RAMP1: variants seen among roughly 807,000 people sequenced by gnomAD.
The protein encoded by RAMP1 is receptor activity modifying protein 1, also known as receptor activity-modifying protein 1.
RAMP1 carries 7 observed loss-of-function variants against 8.2 expected under a neutral mutation model. That is an observed-to-expected ratio of 0.85 (90% CI 0.49 to 1.60). The LOEUF is 1.60. Ranked by LOEUF, RAMP1 falls within the 40% of genes most tolerant of loss-of-function variation. The pLI is 0.00. For missense variants in RAMP1, 192 were observed against 202.4 expected (o/e 0.95, Z 0.31); for synonymous variants, 92 against 84.7 (o/e 1.09, Z -0.47).
In RAMP1 at chr2:237,895,126, C is replaced by T. The variant is rs188900869; in HGVS notation, c.192-16402C>T. On this transcript the variant is annotated intron_variant, in intron 2 of 2. Transcript: ENST00000254661. ...CCCAGCACCATGGCCTCTGGAGCCC[C>T]TCACCCTCCCTTGAGGTCAGCCCTA... 1.8e-4 allele frequency among the ~76,000 whole-genome samples: 27 copies of T among 152,276 alleles called. 1 individual carries two copies. The highest frequency in any genetic ancestry group is 6.5e-4 in the Admixed American group (10 of 15,300).
chr2:237,874,758 G>A, intron 1 of RAMP1: 1 of 932,238 alleles, frequency 1.1e-6, no homozygotes, highest in African/African-American at 1.8e-5. Context: ...GTGCAAAGCT[G>A]CTGGGTGCCA....
intron 2 of RAMP1, among the ~76,000 whole-genome samples, chr2:237,907,654 T>G (rs2062667112): frequency 2.6e-5 from 4 of 152,220 alleles, no homozygotes; most frequent in Admixed American, 2.0e-4. Flanking sequence ...CAACTGTCTT[T>G]GACTTTGAGT....
intron 2 of RAMP1, among the ~76,000 whole-genome samples, chr2:237,897,078 C>G (rs956751034): frequency 6.6e-6 from 1 of 152,238 alleles, no homozygotes; most frequent in African/African-American, 2.4e-5. Context: ...CTGCAGCTCA[C>G]CGGATGCTCC....
intron 2 of RAMP1, among the ~76,000 whole-genome samples, chr2:237,882,777 C>T (rs745353829): frequency 5.3e-5 from 8 of 151,014 alleles, no homozygotes; most frequent in Non-Finnish European, 7.4e-5. Context: ...GGAGAGAACA[C>T]GAAGGCACAA....
rs2062481798 is a variant in RAMP1, at chr2:237,890,968, C to T, written c.191+13606C>T. Among the ~76,000 whole-genome samples, 3 of 152,078 alleles carry T rather than the reference C, an allele frequency of 2.0e-5. No homozygotes were observed. In the South Asian group the frequency reaches 6.2e-4, roughly 32 times the overall value. On this transcript the variant is annotated intron_variant, in intron 2 of 2. Coordinates refer to ENST00000254661, the MANE Select transcript of RAMP1 (RefSeq NM_005855.4). Reference sequence around the variant, plus strand: ...TTGCTTTAACTTTTACCACTCACTTCCCCCCTTTTCCCTTTCTTAAAATTG... The same window carrying T: ...TTGCTTTAACTTTTACCACTCACTTTCCCCCTTTTCCCTTTCTTAAAATTG...
At chr2:237,901,767 T>G (rs771504721) in intron 2 of RAMP1, among the ~76,000 whole-genome samples, 1 of 152,126 alleles carries the variant, frequency 6.6e-6, no homozygotes, top group Non-Finnish European at 1.5e-5. Flanking sequence ...AAGCCCAGCA[T>G]GCAGAGTGGA....
rs1235233096 is a variant in RAMP1 at position 237,865,642 on chromosome 2, T to C, written c.52+5915T>C. Among the ~76,000 whole-genome samples the C allele has an allele frequency of 6.6e-6, 1 of 152,070 alleles. No homozygotes were observed. The highest frequency in any genetic ancestry group is 1.5e-5 in the Non-Finnish European group (1 of 67,996). ...GTACGTAGACAGGAGTCTATGCAAA[T>C]CAAGGGTTCAGAAAGAGGTATGGCC... On this transcript the variant is annotated intron_variant, in intron 1 of 2. Coordinates refer to ENST00000254661, the MANE Select transcript of RAMP1 (RefSeq NM_005855.4). This position sits in a 1 kb window ranked among gnomAD's most constrained non-coding sequence, Gnocchi z 4.2.
intron 1 of RAMP1, among the ~76,000 whole-genome samples, chr2:237,861,162 C>T (rs1045984560): frequency 1.3e-5 from 2 of 152,172 alleles, no homozygotes; most frequent in African/African-American, 4.8e-5. Context: ...CCCTCTAAAG[C>T]TTGTGTAAAT....
At chr2:237,888,848 T>C (rs1456243527) in intron 2 of RAMP1, among the ~76,000 whole-genome samples, 1 of 152,170 alleles carries the variant, frequency 6.6e-6, no homozygotes, top group Non-Finnish European at 1.5e-5. Flanking sequence ...CTTGGCTCAC[T>C]GCAACCCCTG....
chr2:237,872,336 C>T (rs1474315859), intron 1 of RAMP1, among the ~76,000 whole-genome samples: 2 of 152,240 alleles, frequency 1.3e-5, no homozygotes, highest in African/African-American at 4.8e-5. Context: ...GCCACACATC[C>T]ACTCTCCCAG....
In RAMP1 at chr2:237,865,044, G is replaced by A. The variant is rs1457322067; in HGVS notation, c.52+5317G>A. Among the ~76,000 whole-genome samples the A allele has an allele frequency of 6.6e-6, 1 of 152,158 alleles. No individual in the cohort carries two copies. Among genetic ancestry groups the A allele is most frequent in the Non-Finnish European group, 1.5e-5 (1 of 68,026 alleles). On this transcript the variant is annotated intron_variant, in intron 1 of 2. Transcript: ENST00000254661. The surrounding 1 kb of genome is among the most constrained non-coding windows in gnomAD (Gnocchi z 4.2). ...TGAAGGACATTAAAGGGGGTGACAG[G>A]ACAGAAGGTGTGGTTTAAAGGAGCC...
chr2:237,894,870 G>A (rs1193973340), intron 2 of RAMP1, among the ~76,000 whole-genome samples: 6 of 152,206 alleles, frequency 3.9e-5, no homozygotes, highest in Non-Finnish European at 5.9e-5. Flanking sequence ...GAGACAAAGC[G>A]TTGCCAGCCC....
At chr2:237,901,832 A>G (rs1247197035) in intron 2 of RAMP1, among the ~76,000 whole-genome samples, 1 of 137,266 alleles carries the variant, frequency 7.3e-6, no homozygotes, top group Non-Finnish European at 1.6e-5. Context: ...AGGCAGAAGA[A>G]GGGGTAGATA....
At chr2:237,888,106 T>G (rs140029501) in intron 2 of RAMP1, among the ~76,000 whole-genome samples, 9,146 of 152,000 alleles carry the variant, frequency 0.06, 914 homozygotes, top group African/African-American at 0.21. Flanking sequence ...CAGGCTGGAG[T>G]GCAGTGGCAC....
chr2:237,884,220 G>A (rs1296000432), intron 2 of RAMP1, among the ~76,000 whole-genome samples: 1 of 152,120 alleles, frequency 6.6e-6, no homozygotes, highest in African/African-American at 2.4e-5. Flanking sequence ...AGCTCAGCGG[G>A]GCCAGGCTCC....
chr2:237,877,726 G>A lies in RAMP1; in HGVS notation c.191+364G>A, dbSNP rs959696783. On this transcript the variant is annotated intron_variant, in intron 2 of 2. Transcript: ENST00000254661. The surrounding 1 kb of genome is among the most constrained non-coding windows in gnomAD (Gnocchi z 4.4). Reference sequence around the variant, plus strand: ...CTGACTGGAGCCTGGCTTCAGGGACGTCCCTGCTGATTCCCTCTGTCCCTG... The same window carrying A: ...CTGACTGGAGCCTGGCTTCAGGGACATCCCTGCTGATTCCCTCTGTCCCTG... 6.6e-5 allele frequency among the ~76,000 whole-genome samples: 10 copies of A among 152,170 alleles called. No homozygotes were observed. The highest frequency in any genetic ancestry group is 2.0e-4 in the Admixed American group (3 of 15,276).
chr2:237,859,811 AGCGGGTGGGAGCGGGTGGGG>A, intron 1 of RAMP1, 84 bp downstream of exon 1: 1 of 592,338 alleles, frequency 1.7e-6, no homozygotes. Flanking sequence ...AGCGGGTGGG[AGCGGGTGGGAGCGGGTGGGG>A]GCGGGCGCCG....
intron 2 of RAMP1, among the ~76,000 whole-genome samples, chr2:237,889,819 G>C (rs1048530476): frequency 5.9e-5 from 9 of 152,254 alleles, no homozygotes; most frequent in African/African-American, 2.2e-4. Context: ...TAGAGATGAG[G>C]TCTCCCTATG....
chr2:237,882,975 G>A (rs1436419957), intron 2 of RAMP1, among the ~76,000 whole-genome samples: 1 of 152,188 alleles, frequency 6.6e-6, no homozygotes, highest in African/African-American at 2.4e-5. Context: ...AGGACTGTGA[G>A]CCAGGCAGGT....
Sources: allele counts gnomAD v4.1 joint callset (sites outside exome capture counted in the v4.1 genomes callset), GRCh38; gene constraint gnomAD v4.1.1; non-coding constraint Gnocchi (gnomAD v3.1); transcripts MANE v1.5; gene names NCBI Gene and HGNC (gene_info 2026-07-23, HGNC 2026-07-21).